ATXN7L1: variants seen among roughly 807,000 people sequenced by gnomAD.
ATXN7L1 encodes ataxin-7-like protein 1.
ATXN7L1 carries 15 observed loss-of-function variants against 70.8 expected under a neutral mutation model. The ratio of observed to expected loss-of-function variants is 0.21; its 90% CI spans 0.14 to 0.33. The LOEUF is 0.33. Ranked by LOEUF, ATXN7L1 falls within the 10% of genes least tolerant of loss-of-function variation. The probability of loss-of-function intolerance (pLI) is 1.00; values close to 1 mark genes in which losing one functional copy is unlikely to be tolerated. For missense variants in ATXN7L1, 975 were observed against 1,097.1 expected (o/e 0.89, Z 1.57); for synonymous variants, 440 against 445.1 (o/e 0.99, Z 0.14).
At chr7:105,671,707 G>A (rs1383578020) in intron 3 of ATXN7L1, among the ~76,000 whole-genome samples, 1 of 151,680 alleles carries the variant, frequency 6.6e-6, no homozygotes, top group Non-Finnish European at 1.5e-5. Context: ...AACTAGCTGG[G>A]TAACATGGTG....
rs77723208 is a variant in ATXN7L1 at position 105,768,449 on chromosome 7, C to A, written c.355+20155G>T. 1.0e-2 allele frequency among the ~76,000 whole-genome samples: 1,521 copies of A among 152,266 alleles called. 48 individuals are homozygous for A. The East Asian group carries it at 0.11, about 11-fold the overall frequency. ...GTGGCCTAGGAATGAGAGACGTTAA[C>A]AGGATCAAGTTGTATCTGTGCCTGT... On this transcript the variant is annotated intron_variant, in intron 3 of 11. Transcript: ENST00000419735.
chr7:105,790,721 G>A (rs140391503), intron 2 of ATXN7L1, among the ~76,000 whole-genome samples: 1 of 52,100 alleles, frequency 1.9e-5, no homozygotes, highest in East Asian at 1.6e-3. Flanking sequence ...CTATCTATCT[G>A]ACAAAAAAAG....
At position 105,876,525 on chromosome 7, in the gene ATXN7L1, A is replaced by G; in HGVS notation, c.34T>C (p.Ser12Pro). Residue 12 changes from serine to proline, a missense_variant, in exon 1 of 12, where the codon TCG becomes CCG. Ser to Pro is a moderately conservative substitution (Grantham distance 74). Around this residue, in one of 5 missense-constraint regions of ATXN7L1, gnomAD observed 135 missense variants for 132.6 expected, o/e 1.02. Transcript: ENST00000419735. ...CCTGTTCCTTCGGCAGCAGCAGCCG[A>G]GAGACACGGGATTCGAGAACGCTCC... ...TSERSRIPCL[S>P]AAAAEGTGKK... 1.2e-6 allele frequency: 2 copies of G among 1,606,292 alleles called. No individual in the cohort carries two copies. The highest frequency in any genetic ancestry group is 3.4e-5 in the Admixed American group (2 of 59,598).
intron 3 of ATXN7L1, among the ~76,000 whole-genome samples, chr7:105,687,349 C>T (rs543116930): frequency 9.9e-5 from 15 of 152,168 alleles, no homozygotes; most frequent in African/African-American, 3.4e-4. Flanking sequence ...CCCTAGTACC[C>T]GAGAATATAA....
chr7:105,768,465 C>CTG (rs1338445350), intron 3 of ATXN7L1, among the ~76,000 whole-genome samples: 1 of 151,992 alleles, frequency 6.6e-6, no homozygotes, highest in African/African-American at 2.4e-5. Flanking sequence ...CAAGTTGTAT[C>CTG]TGTGCCTGTA....
At chr7:105,875,629 C>CCG (rs370097360) in intron 2 of ATXN7L1, among the ~76,000 whole-genome samples, 183 bp downstream of exon 2, 4 of 113,694 alleles carry the variant, frequency 3.5e-5, no homozygotes, top group East Asian at 3.0e-4. Context: ...CCCCCTTTAC[C>CCG]CCCCCCCCAG....
chr7:105,765,340 A>G (rs1240177567), intron 3 of ATXN7L1, among the ~76,000 whole-genome samples: 2 of 151,674 alleles, frequency 1.3e-5, no homozygotes, highest in Non-Finnish European at 2.9e-5. Context: ...CCCTCTAAAT[A>G]AGTCATAACA....
At chr7:105,787,595 G>A (rs1351019041) in intron 3 of ATXN7L1, among the ~76,000 whole-genome samples, 1 of 152,164 alleles carries the variant, frequency 6.6e-6, no homozygotes, top group African/African-American at 2.4e-5. Context: ...GCTTGGATAA[G>A]CTCAACTCCC....
At chr7:105,822,597 A>G (rs945731858) in intron 2 of ATXN7L1, among the ~76,000 whole-genome samples, 1 of 152,254 alleles carries the variant, frequency 6.6e-6, no homozygotes, top group Non-Finnish European at 1.5e-5. Context: ...AGCGCCTTGC[A>G]GTTTATAAAA....
At chr7:105,726,793 T>C (rs995091467) in intron 3 of ATXN7L1, among the ~76,000 whole-genome samples, 1 of 152,160 alleles carries the variant, frequency 6.6e-6, no homozygotes, top group Admixed American at 6.5e-5. Flanking sequence ...TGCTGCAGCA[T>C]CTCAGGATCC....
At chr7:105,722,654 G>C (rs11765689) in intron 3 of ATXN7L1, among the ~76,000 whole-genome samples, 1 of 146,588 alleles carries the variant, frequency 6.8e-6, no homozygotes, top group East Asian at 2.1e-4. Context: ...TGAGGTGGGC[G>C]AATTGCCTGA....
At chr7:105,616,585 T>C (rs55815328) in intron 9 of ATXN7L1, among the ~76,000 whole-genome samples, 3,663 of 152,254 alleles carry the variant, frequency 0.024, 151 homozygotes, top group African/African-American at 0.083. Context: ...CCATAAATAC[T>C]TGTTGCAATG....
chr7:105,623,688 G>A lies in ATXN7L1; in HGVS notation c.1395+387C>T, dbSNP rs143175612. On this transcript the variant is annotated intron_variant, in intron 8 of 11. Transcript: ENST00000419735. Reference sequence around the variant, plus strand: ...AGACAGTTTCCAGAGTAGGTGAACCGAGCTAACCCTGGACATCAGAGGCTC... The same window carrying A: ...AGACAGTTTCCAGAGTAGGTGAACCAAGCTAACCCTGGACATCAGAGGCTC... Among the ~76,000 whole-genome samples, 10 of 152,296 alleles carry A rather than the reference G, an allele frequency of 6.6e-5. No homozygotes were observed. In the East Asian group the frequency reaches 1.7e-3, roughly 26 times the overall value.
At chr7:105,676,144 C>T (rs182019365) in intron 3 of ATXN7L1, among the ~76,000 whole-genome samples, 4 of 152,310 alleles carry the variant, frequency 2.6e-5, no homozygotes, top group Admixed American at 2.6e-4. Context: ...CTGCCGGACT[C>T]CACCTGGAGC....
At chr7:105,727,672 A>G (rs1010680044) in intron 3 of ATXN7L1, among the ~76,000 whole-genome samples, 5 of 143,776 alleles carry the variant, frequency 3.5e-5, no homozygotes, top group African/African-American at 5.1e-5. Flanking sequence ...TTCATCTCAA[A>G]AAAAAAAAAA....
intron 2 of ATXN7L1, among the ~76,000 whole-genome samples, chr7:105,839,289 T>A (rs1812861062): frequency 6.6e-6 from 1 of 151,130 alleles, no homozygotes; most frequent in South Asian, 2.1e-4. Flanking sequence ...AACTTGAACA[T>A]GGAAGATGGT....
At chr7:105,679,935 A>C (rs1317113206) in intron 3 of ATXN7L1, among the ~76,000 whole-genome samples, 2 of 151,996 alleles carry the variant, frequency 1.3e-5, no homozygotes, top group African/African-American at 4.8e-5. Context: ...TAAAAAAAAA[A>C]CAGTGGCAAA....
At position 105,847,583 on chromosome 7, in the gene ATXN7L1, T is replaced by C. The variant is rs117117514; in HGVS notation, c.250+28229A>G. ...AAGACCTAAACTGTAAAACTATTGT[T>C]TACCCCAAGAACAAGAGCTCAGGAC... On this transcript the variant is annotated intron_variant, in intron 2 of 11. Coordinates refer to ENST00000419735, the MANE Select transcript of ATXN7L1 (RefSeq NM_020725.2). Among the ~76,000 whole-genome samples the C allele has an allele frequency of 4.3e-3, 654 of 152,260 alleles. 2 individuals are homozygous for C. The highest frequency in any genetic ancestry group is 6.5e-3 in the Non-Finnish European group (441 of 68,020).
Position 105,613,906 on chromosome 7 carries a change from G to C in ATXN7L1, c.2428C>G (p.Leu810Val). Residue 810 changes from leucine (L) to valine (V), a missense_variant, in exon 10 of 12, where the codon CTC becomes GTC. Transcript: ENST00000419735. The stretch of plus-strand genomic sequence containing the variant: ...TTAACGGGATCGGGCACCGGTGCGA[G>C]AAGGCTGGGCGGGTTCTTTTTGTGA... ...SVHKKNPPSL[L>V]APVPDPVNST... is the part of the protein sequence containing the mutation. 1 of 1,552,176 alleles carries C rather than the reference G, an allele frequency of 6.4e-7. No homozygotes were observed. Among genetic ancestry groups the C allele is most frequent in the Non-Finnish European group, 8.7e-7 (1 of 1,147,064 alleles).
Sources: gnomAD v4.1 joint callset for allele counts (sites outside exome capture counted in the v4.1 genomes callset) on GRCh38, gnomAD v4.1.1 for gene constraint, gnomAD v4.1.1 regional missense constraint, MANE v1.5 for transcripts, NCBI Gene and HGNC (gene_info 2026-07-23, HGNC 2026-07-21) for gene names.